Variants in SLC35F3 observed in about 807,000 individuals in gnomAD.
The protein encoded by SLC35F3 is putative thiamine transporter SLC35F3.
A neutral mutation model predicts 49.9 loss-of-function variants in SLC35F3; 25 were observed. That is an observed-to-expected ratio of 0.50 (90% CI 0.37 to 0.70). The LOEUF (loss-of-function observed/expected upper bound fraction) is 0.70. Among genes scored for constraint, SLC35F3 ranks in the 30% least tolerant of loss-of-function variants. The pLI is 0.00. For missense variants in SLC35F3, 525 were observed against 639.8 expected, an observed-to-expected ratio of 0.82 and a Z score of 1.94; for synonymous variants, 275 against 265.4, an observed-to-expected ratio of 1.04 and a Z score of -0.35.
intron 2 of SLC35F3, among the ~76,000 whole-genome samples, chr1:234,190,445 G>T (rs2168900): frequency 0.082 from 12,405 of 152,152 alleles, 1,403 homozygotes; most frequent in African/African-American, 0.26. Context: ...AAACAAACTT[G>T]AAAGCAACAG....
chr1:234,109,432 G>A (rs534864784), intron 2 of SLC35F3, among the ~76,000 whole-genome samples: 2 of 152,276 alleles, frequency 1.3e-5, no homozygotes, highest in Non-Finnish European at 1.5e-5. Flanking sequence ...TAAAGCCATA[G>A]GCAGCTCATC....
intron 2 of SLC35F3, among the ~76,000 whole-genome samples, chr1:234,056,551 C>A (rs926375000): frequency 6.6e-6 from 1 of 152,146 alleles, no homozygotes; most frequent in African/African-American, 2.4e-5. Flanking sequence ...ACCATGCAAC[C>A]ACTAATCTAC....
intron 2 of SLC35F3, among the ~76,000 whole-genome samples, chr1:233,925,766 G>A (rs1662147552): frequency 6.6e-6 from 1 of 152,234 alleles, no homozygotes; most frequent in African/African-American, 2.4e-5. Flanking sequence ...TACAGTGGCT[G>A]TTACCAGTTG....
chr1:234,227,126 G>A (rs187497623), intron 2 of SLC35F3, among the ~76,000 whole-genome samples: 142 of 152,256 alleles, frequency 9.3e-4, no homozygotes, highest in African/African-American at 2.2e-3. Context: ...CAATTACAGC[G>A]TCTGTCAGCA....
chr1:234,128,565 CAG>C (rs1337040978), intron 2 of SLC35F3, among the ~76,000 whole-genome samples: 2 of 152,098 alleles, frequency 1.3e-5, no homozygotes, highest in Non-Finnish European at 2.9e-5. Context: ...AAAGCAGCAT[CAG>C]AGACATAGCT....
chr1:234,197,571 A>C (rs1397318208), intron 2 of SLC35F3, among the ~76,000 whole-genome samples: 1 of 147,464 alleles, frequency 6.8e-6, no homozygotes, highest in Non-Finnish European at 1.5e-5. Context: ...AACCCCCTCC[A>C]TGATCACTCC....
chr1:233,969,805 C>T (rs982175174), intron 2 of SLC35F3, among the ~76,000 whole-genome samples: 4 of 152,306 alleles, frequency 2.6e-5, no homozygotes, highest in African/African-American at 9.6e-5. Context: ...CCATGAGATC[C>T]TGTGAGATGC....
chr1:234,280,465 A>G (rs1250914347), intron 3 of SLC35F3, among the ~76,000 whole-genome samples: 1 of 152,208 alleles, frequency 6.6e-6, no homozygotes, highest in Non-Finnish European at 1.5e-5. Context: ...GTTTATTGGA[A>G]GCCAATGGAG....
At chr1:233,966,844 T>G (rs562920084) in intron 2 of SLC35F3, among the ~76,000 whole-genome samples, 3 of 152,304 alleles carry the variant, frequency 2.0e-5, no homozygotes, top group African/African-American at 7.2e-5. Context: ...TGTGCTTCAG[T>G]TCCTTTATTT....
chr1:233,935,614 G>A (rs891458500), intron 2 of SLC35F3, among the ~76,000 whole-genome samples: 88 of 152,202 alleles, frequency 5.8e-4, no homozygotes, highest in African/African-American at 2.1e-3. Context: ...CTTTATGCCT[G>A]TCCCCAGCAG....
intron 2 of SLC35F3, among the ~76,000 whole-genome samples, chr1:234,226,961 G>GCGCACAGA (rs141422884): frequency 6.7e-6 from 1 of 148,638 alleles, no homozygotes; most frequent in Admixed American, 6.7e-5. Context: ...GCGCACGCGT[G>GCGCACAGA]CACACACACA....
intron 2 of SLC35F3, among the ~76,000 whole-genome samples, chr1:234,058,851 AC>A (rs1664496529): frequency 6.6e-6 from 1 of 151,528 alleles, no homozygotes. Flanking sequence ...AAATCTCTTT[AC>A]TCATTATGTA....
chr1:234,064,549 C>T (rs1664587637), intron 2 of SLC35F3, among the ~76,000 whole-genome samples: 1 of 152,130 alleles, frequency 6.6e-6, no homozygotes. Context: ...ACTGGAGATG[C>T]TACCCCCAGG....
intron 3 of SLC35F3, among the ~76,000 whole-genome samples, chr1:234,295,865 A>G (rs951374077): frequency 6.6e-6 from 1 of 152,184 alleles, no homozygotes; most frequent in Non-Finnish European, 1.5e-5. Context: ...GTGTTGCTCC[A>G]CTGTTCCCAC....
chr1:234,284,177 T>C (rs1668374080), intron 3 of SLC35F3, among the ~76,000 whole-genome samples: 1 of 152,206 alleles, frequency 6.6e-6, no homozygotes, highest in South Asian at 2.1e-4. Flanking sequence ...AGTGTTGGGA[T>C]TATAGACATG....
At chr1:233,998,717 T>C (rs1476973048) in intron 2 of SLC35F3, among the ~76,000 whole-genome samples, 1 of 152,156 alleles carries the variant, frequency 6.6e-6, no homozygotes, top group African/African-American at 2.4e-5. Context: ...TTTTAAATTT[T>C]ATCTAATGTT....
chr1:234,291,165 T>TA (rs1470118056), intron 3 of SLC35F3, among the ~76,000 whole-genome samples: 1 of 152,196 alleles, frequency 6.6e-6, no homozygotes, highest in Non-Finnish European at 1.5e-5. Flanking sequence ...TGACTGACGC[T>TA]AATCACTGTA....
chr1:234,310,272 T>A (rs574820594), intron 4 of SLC35F3, among the ~76,000 whole-genome samples: 1 of 152,116 alleles, frequency 6.6e-6, no homozygotes. Flanking sequence ...TGAGGGGCAG[T>A]CCCATGAAAG....
At position 233,927,566 on chromosome 1, in the gene SLC35F3, C is replaced by T. The variant is rs114457211; in HGVS notation, c.283+21808C>T. 7.2e-3 allele frequency among the ~76,000 whole-genome samples: 1,101 copies of T among 152,128 alleles called. 14 individuals are homozygous for T. Among genetic ancestry groups the T allele is most frequent in the African/African-American group, 0.025 (1,030 of 41,528 alleles). The stretch of plus-strand genomic sequence containing the variant: ...TAATAATTTTATGTTAAATAACTAT[C>T]GAACTTGTGAGATGTTTACATAATT... On this transcript the variant is annotated intron_variant, in intron 2 of 7. Transcript: ENST00000366618.
Sources: gnomAD v4.1 joint callset for allele counts (sites outside exome capture counted in the v4.1 genomes callset) on GRCh38, gnomAD v4.1.1 for gene constraint, MANE v1.5 for transcripts, NCBI Gene and HGNC (gene_info 2026-07-23, HGNC 2026-07-21) for gene names.